The following C3orf49 variants were observed in gnomAD, a reference collection of about 807,000 sequenced individuals.
The protein encoded by C3orf49 is putative uncharacterized protein C3orf49.
In C3orf49, 27 loss-of-function variants were observed where a neutral mutation model predicts 13.3. The observed-to-expected ratio is 2.02, with a 90% CI of 1.49 to 2.79. C3orf49 has a LOEUF of 2.79. Among genes scored for constraint, C3orf49 ranks in the 30% most tolerant of loss-of-function variants. The probability of loss-of-function intolerance (pLI) is 0.00; values close to 1 mark genes in which losing one functional copy is unlikely to be tolerated. For synonymous variants in C3orf49, 87 were observed against 47.6 expected, an observed-to-expected ratio of 1.83 and a Z score of -3.40; for missense variants, 242 against 134.2, an observed-to-expected ratio of 1.80 and a Z score of -3.97.
intron 5 of C3orf49, chr3:63,835,529 G>A: frequency 1.7e-6 from 1 of 604,482 alleles, no homozygotes; most frequent in Non-Finnish European, 2.7e-6. Context: ...CCATTATGGT[G>A]AAACTTTTAA....
the C3orf49 span, chr3:63,784,937 AC>A: frequency 6.6e-6 from 1 of 151,958 alleles, no homozygotes; most frequent in African/African-American, 2.4e-5. Context: ...ATTCAGCTAG[AC>A]CCCAGGTAGC....
At chr3:63,807,937 GA>G in the C3orf49 span, among the ~76,000 whole-genome samples, 17 of 145,436 alleles carry the variant, frequency 1.2e-4, no homozygotes, top group African/African-American at 2.3e-4. Flanking sequence ...GAAAAGAAAA[GA>G]AAAAAAGAAA....
intron 5 of C3orf49, among the ~76,000 whole-genome samples, chr3:63,833,052 T>C (rs1214791409): frequency 6.6e-6 from 1 of 152,004 alleles, no homozygotes; most frequent in Non-Finnish European, 1.5e-5. Flanking sequence ...GATTCCGCCT[T>C]AGCTTAATTT....
At chr3:63,782,188 T>G in the C3orf49 span, among the ~76,000 whole-genome samples, 1 of 152,228 alleles carries the variant, frequency 6.6e-6, no homozygotes, top group Non-Finnish European at 1.5e-5. Context: ...AAGAACATAT[T>G]GCACTAACAC....
At chr3:63,800,847 G>T in the C3orf49 span, among the ~76,000 whole-genome samples, 3 of 152,234 alleles carry the variant, frequency 2.0e-5, no homozygotes, top group Non-Finnish European at 4.4e-5. Context: ...AGATCCTTGA[G>T]TGTCTGAGGG....
At chr3:63,783,319 A>G in the C3orf49 span, among the ~76,000 whole-genome samples, 3 of 152,156 alleles carry the variant, frequency 2.0e-5, no homozygotes, top group South Asian at 4.1e-4. Context: ...TTTTCCTACA[A>G]GAAGATTATC....
chr3:63,816,279 C>G (rs907439963), upstream of C3orf49, among the ~76,000 whole-genome samples: 10 of 151,904 alleles, frequency 6.6e-5, no homozygotes, highest in African/African-American at 1.9e-4. Flanking sequence ...CAACTGAATT[C>G]CATTTCCCTG....
the C3orf49 span, among the ~76,000 whole-genome samples, chr3:63,800,521 A>G: frequency 1.3e-5 from 2 of 152,122 alleles, no homozygotes; most frequent in Non-Finnish European, 2.9e-5. Flanking sequence ...CTTATGTGTC[A>G]AGTATAGACC....
At chr3:63,841,522 G>A (rs1701760142) in intron 5 of C3orf49, among the ~76,000 whole-genome samples, 1 of 152,168 alleles carries the variant, frequency 6.6e-6, no homozygotes, top group Non-Finnish European at 1.5e-5. Flanking sequence ...TTGAGCGCAG[G>A]TGCAGCGGAG....
the C3orf49 span, among the ~76,000 whole-genome samples, chr3:63,786,353 A>G: frequency 5.3e-5 from 8 of 152,322 alleles, no homozygotes; most frequent in African/African-American, 1.9e-4. Context: ...AAGAATAGAA[A>G]AATGAATTTT....
chr3:63,802,330 A>C, the C3orf49 span, among the ~76,000 whole-genome samples: 1 of 152,236 alleles, frequency 6.6e-6, no homozygotes, highest in Non-Finnish European at 1.5e-5. Context: ...TTGCAAAACA[A>C]ACAAGCATAT....
intron 3 of C3orf49, among the ~76,000 whole-genome samples, chr3:63,828,489 A>G (rs1015601489): frequency 6.6e-6 from 1 of 152,102 alleles, no homozygotes; most frequent in Non-Finnish European, 1.5e-5. Context: ...TAGTAGAGAC[A>G]GCGTTTCGCC....
At chr3:63,791,769 GA>G in the C3orf49 span, among the ~76,000 whole-genome samples, 7 of 152,256 alleles carry the variant, frequency 4.6e-5, no homozygotes, top group African/African-American at 1.4e-4. Flanking sequence ...TTAAAACAAT[GA>G]AATAAATCCT....
At chr3:63,826,547 A>G (rs1449453978) in intron 2 of C3orf49, among the ~76,000 whole-genome samples, 1 of 152,170 alleles carries the variant, frequency 6.6e-6, no homozygotes, top group African/African-American at 2.4e-5. Context: ...AAAATAAGTC[A>G]TGAGTTCTGG....
chr3:63,820,205 C>A (rs926817641), intron 1 of C3orf49, among the ~76,000 whole-genome samples: 3 of 152,096 alleles, frequency 2.0e-5, no homozygotes, highest in Non-Finnish European at 4.4e-5. Flanking sequence ...GGTCCATGGG[C>A]TATAGTTCAG....
rs188792780 is a variant in C3orf49, at chr3:63,843,528, T to G, written c.850-1495T>G. 2.1e-3 allele frequency among the ~76,000 whole-genome samples: 323 copies of G among 152,310 alleles called. 2 individuals carry two copies. Among genetic ancestry groups the G allele is most frequent in the Middle Eastern group, 6.8e-3 (2 of 294 alleles). On this transcript the variant is annotated intron_variant, in intron 5 of 6. Coordinates refer to ENST00000295896, the MANE Select transcript of C3orf49 (RefSeq NM_001355236.2). ...CAGTATGTCAAAGAGGTATCTGCAC[T>G]CCAACGTTTATAGCAGCCTTATTCA... is the stretch of plus-strand genomic sequence containing the variant.
chr3:63,792,596 C>T, the C3orf49 span, among the ~76,000 whole-genome samples: 2 of 152,198 alleles, frequency 1.3e-5, no homozygotes, highest in African/African-American at 4.8e-5. Flanking sequence ...AGAAATTAAT[C>T]TCTCAAGTGG....
chr3:63,781,877 G>A, the C3orf49 span, among the ~76,000 whole-genome samples: 1 of 152,308 alleles, frequency 6.6e-6, no homozygotes, highest in South Asian at 2.1e-4. Context: ...ACCCTAGGAA[G>A]TAGGGACCAT....
In C3orf49 at chr3:63,834,248, T is replaced by G. The variant is rs1227414356; in HGVS notation, c.849+2404T>G. Reference sequence around the variant, plus strand: ...AACCTTAGTCAAGTTTGCCTATATTTTATATTCGATGAACACATGAAAACA... The same window carrying G: ...AACCTTAGTCAAGTTTGCCTATATTGTATATTCGATGAACACATGAAAACA... On this transcript the variant is annotated intron_variant, in intron 5 of 6. Coordinates refer to ENST00000295896, the MANE Select transcript of C3orf49 (RefSeq NM_001355236.2). 15 of 1,566,326 alleles carry G rather than the reference T, an allele frequency of 9.6e-6. No individual in the cohort carries two copies. In the African/African-American group the frequency reaches 2.0e-4, roughly 21 times the overall value.
Sources: gnomAD v4.1 joint callset for allele counts (sites outside exome capture counted in the v4.1 genomes callset) on GRCh38, gnomAD v4.1.1 for gene constraint, MANE v1.5 for transcripts, NCBI Gene and HGNC (gene_info 2026-07-23, HGNC 2026-07-21) for gene names.